Variants in KRT7 observed in about 807,000 individuals in gnomAD.
The protein encoded by KRT7 is keratin 7.
A neutral mutation model predicts 42.8 loss-of-function variants in KRT7; 50 were observed. The observed-to-expected ratio is 1.17, with a 90% CI of 0.93 to 1.48. The LOEUF is 1.48. KRT7 is among the 40% of genes most tolerant of loss of function. KRT7 has a pLI of 0.00. For missense variants in KRT7, 588 were observed against 637.6 expected (o/e 0.92, Z 0.84); for synonymous variants, 268 against 266.3 (o/e 1.01, Z -0.06).
downstream of KRT7, among the ~76,000 whole-genome samples, chr12:52,251,214 A>C (rs1942262360): frequency 6.6e-6 from 1 of 152,134 alleles, no homozygotes; most frequent in Admixed American, 6.5e-5. Flanking sequence ...TCCTGACCTC[A>C]AGTGATCCAC....
At chr12:52,243,233 T>C (rs1942119882) in intron 6 of KRT7, 96 bp downstream of exon 6, 2 of 1,420,790 alleles carry the variant, frequency 1.4e-6, no homozygotes, top group Admixed American at 2.3e-5. Context: ...GGTTCCCATC[T>C]CCCGGCCAAA....
Position 52,233,361 on chromosome 12 carries a change from C to G in KRT7, c.65C>G (p.Ala22Gly). The G allele has an allele frequency of 6.4e-7, 1 of 1,572,664 alleles. No individual in the cohort carries two copies. Among genetic ancestry groups the G allele is most frequent in the South Asian group, 1.2e-5 (1 of 86,452 alleles). ...SRSAAFSGRG[A>G]QVRLSSARPG... is the part of the protein sequence containing the mutation. ...TCAGCCGCCTTCTCGGGCCGCGGCG[C>G]CCAGGTGCGCCTGAGCTCCGCTCGC... Residue 22 changes from alanine (A) to glycine (G), a missense_variant, in exon 1 of 9, where the codon GCC becomes GGC. Coordinates refer to ENST00000331817, the MANE Select transcript of KRT7 (RefSeq NM_005556.4).
chr12:52,244,233 T>C (rs1023702922), intron 6 of KRT7: 69 of 793,258 alleles, frequency 8.7e-5, no homozygotes, highest in Non-Finnish European at 1.1e-4. Context: ...GAGGCTGCCT[T>C]GGGGCACAGA....
chr12:52,236,116 C>T (rs889133097), intron 2 of KRT7, among the ~76,000 whole-genome samples: 1 of 152,070 alleles, frequency 6.6e-6, no homozygotes, highest in African/African-American at 2.4e-5. Flanking sequence ...TGAGTTCTGT[C>T]CCCTGCCTGT....
intron 7 of KRT7, 26 bp from the exon 8 acceptor site, chr12:52,248,151 C>G: frequency 1.2e-6 from 2 of 1,612,984 alleles, no homozygotes; most frequent in Non-Finnish European, 1.7e-6. Flanking sequence ...AAAGAGCCGT[C>G]CTCACTGTCT....
At position 52,233,425 on chromosome 12, in the gene KRT7, C is replaced by A. The variant is rs758219991; in HGVS notation, c.129C>A (p.Gly43=). 1 of 1,555,890 alleles carries A rather than the reference C, an allele frequency of 6.4e-7. No homozygotes were observed. The highest frequency in any genetic ancestry group is 8.6e-7 in the Non-Finnish European group (1 of 1,158,880). The part of the protein sequence containing the change: ...GLGSSSLYGL[G]ASRPRVAVRS... ...GCAGCAGCAGCCTCTACGGCCTCGG[C>A]GCCTCACGGCCGCGCGTGGCCGTGC... is the stretch of plus-strand genomic sequence containing the variant. Residue 43 remains glycine (G), a synonymous_variant, in exon 1 of 9, where the codon GGC becomes GGA. Coordinates refer to ENST00000331817, the MANE Select transcript of KRT7 (RefSeq NM_005556.4).
At chr12:52,250,663 G>T, downstream of KRT7, 1 of 666,228 alleles carries the variant, frequency 1.5e-6, no homozygotes, top group Non-Finnish European at 2.7e-6. Flanking sequence ...GGAGGACAGG[G>T]CCCAGTCTCC....
chr12:52,251,782 G>T (rs2121127927), downstream of KRT7: 1 of 356,430 alleles, frequency 2.8e-6, no homozygotes. Flanking sequence ...TTTAGAGTCT[G>T]CAAACTACGG....
chr12:52,248,794 A>G lies in KRT7; in HGVS notation c.*34A>G. The G allele has an allele frequency of 6.7e-7, 1 of 1,490,236 alleles. No homozygotes were observed. Among genetic ancestry groups the G allele is most frequent in the Non-Finnish European group, 8.9e-7 (1 of 1,121,992 alleles). The allele number at this position is 1,490,236 out of a possible 1,614,324, so 92.3% of individuals were successfully genotyped here. A position where few individuals can be genotyped will look rare whatever the true frequency, so the allele number is the denominator to read the frequency against. On this transcript the variant is annotated 3_prime_UTR_variant, in exon 9 of 9. Transcript: ENST00000331817. ...CCACCACTCCACTCCTCCAGCCACC[A>G]CCCACAATCACAAGAAGATTCCCAC...
At position 52,248,402 on chromosome 12, in the gene KRT7, C is replaced by T. The variant is rs547630272; in HGVS notation, c.1241-189C>T. Among the ~76,000 whole-genome samples the T allele has an allele frequency of 2.6e-5, 4 of 152,180 alleles. No individual in the cohort carries two copies. The South Asian group carries it at 6.2e-4, about 24-fold the overall frequency. ...TGGCCTGGGAAGCACTACAAGAGGG[C>T]AGGGTGGGGCCAGGAGCACCTGGGG... On this transcript the variant is annotated intron_variant, in intron 8 of 8. Coordinates refer to ENST00000331817, the MANE Select transcript of KRT7 (RefSeq NM_005556.4).
intron 7 of KRT7, 177 bp from the exon 8 acceptor site, chr12:52,248,000 A>C (rs1040635871): frequency 1.9e-5 from 12 of 643,124 alleles, no homozygotes; most frequent in South Asian, 1.6e-4. Flanking sequence ...GCCAAGGTGA[A>C]CACTCCCTTC....
intron 1 of KRT7, among the ~76,000 whole-genome samples, chr12:52,234,532 A>G (rs1941982245): frequency 6.6e-6 from 1 of 151,936 alleles, no homozygotes; most frequent in Non-Finnish European, 1.5e-5. Context: ...GGCCTCCCCA[A>G]GCTGCTCCAG....
intron 6 of KRT7, chr12:52,244,731 C>A: frequency 1.3e-6 from 1 of 746,278 alleles, no homozygotes; most frequent in Non-Finnish European, 1.6e-6. Flanking sequence ...AAGCAGAGGG[C>A]ACTCTAAGGC....
In KRT7 at chr12:52,243,019, C is replaced by T. The variant is rs920826744; in HGVS notation, c.866C>T (p.Thr289Ile). 9.9e-6 allele frequency: 16 copies of T among 1,612,464 alleles called. No homozygotes were observed. The highest frequency in any genetic ancestry group is 1.4e-5 in the Non-Finnish European group (16 of 1,179,216). ...AEAWYQTKFETLQAQAGKHGD... is the reference protein window; with the variant it reads ...AEAWYQTKFEILQAQAGKHGD... Reference sequence around the variant, plus strand: ...TCTGTATGGCCCCTCCAGTTTGAGACCCTCCAGGCCCAGGCTGGGAAGCAT... The same window carrying T: ...TCTGTATGGCCCCTCCAGTTTGAGATCCTCCAGGCCCAGGCTGGGAAGCAT... The change falls in exon 6 of 9, where the codon ACC becomes ATC. Residue 289 changes from threonine to isoleucine, a missense_variant. By Grantham distance (89) the Thr-to-Ile change is moderately conservative (BLOSUM62 -1). Coordinates refer to ENST00000331817, the MANE Select transcript of KRT7 (RefSeq NM_005556.4).
At position 52,235,174 on chromosome 12, in the gene KRT7, A is replaced by C. The variant is rs754562670; in HGVS notation, c.344A>C (p.Gln115Pro). 1.9e-6 allele frequency: 3 copies of C among 1,613,964 alleles called. No homozygotes were observed. In the East Asian group the frequency reaches 6.7e-5, roughly 36 times the overall value. The change falls in exon 2 of 9, where the codon CAG becomes CCG. Residue 115 changes from glutamine to proline, a missense_variant. Physicochemically the swap from Gln to Pro is moderately conservative, Grantham distance 76. Transcript: ENST00000331817. ...FIDKVRFLEQQNKLLETKWTL... is the reference protein window; with the variant it reads ...FIDKVRFLEQPNKLLETKWTL... ...TTCTAGGTGCGGTTTCTGGAGCAGC[A>C]GAACAAGCTGCTGGAGACCAAGTGG...
chr12:52,246,015 C>T (rs2121103113), intron 7 of KRT7: 1 of 221,160 alleles, frequency 4.5e-6, no homozygotes, highest in Non-Finnish European at 8.8e-6. Context: ...AGAGTGCAGT[C>T]AGGGTGTGCT....
At chr12:52,253,379 T>G, downstream of KRT7, 4 of 1,605,324 alleles carry the variant, frequency 2.5e-6, no homozygotes, top group African/African-American at 1.3e-5. Flanking sequence ...GGGTGGGACC[T>G]CCCATCCATT....
Position 52,233,617 on chromosome 12 carries a change from C to T in KRT7, c.321C>T (p.Asp107=), listed in dbSNP as rs1941957653. The part of the protein sequence containing the change: ...TLNNKFASFI[D]KVRFLEQQNK... The stretch of plus-strand genomic sequence containing the variant: ...ACAACAAGTTTGCCTCCTTCATCGA[C>T]AAGGTGAGCGGGACTGGACCTCGCC... Residue 107 remains aspartate, a synonymous_variant, in exon 1 of 9, where the codon GAC becomes GAT. Transcript: ENST00000331817. 2 of 1,612,404 alleles carry T rather than the reference C, an allele frequency of 1.2e-6. No individual in the cohort carries two copies. Among genetic ancestry groups the T allele is most frequent in the African/African-American group, 2.7e-5 (2 of 74,880 alleles).
downstream of KRT7, among the ~76,000 whole-genome samples, chr12:52,251,499 C>A (rs1255530853): frequency 6.6e-6 from 1 of 152,198 alleles, no homozygotes; most frequent in African/African-American, 2.4e-5. Context: ...AGGGGTTTGA[C>A]AAGTTTACCC....
Sources: allele counts gnomAD v4.1 joint callset (sites outside exome capture counted in the v4.1 genomes callset), GRCh38; gene constraint gnomAD v4.1.1; transcripts MANE v1.5; gene names NCBI Gene and HGNC (gene_info 2026-07-23, HGNC 2026-07-21).